ENTREP2: variants seen among roughly 807,000 people sequenced by gnomAD.
ENTREP2 encodes protein ENTREP2.
At chr15:29,476,964 A>G in the ENTREP2 span, among the ~76,000 whole-genome samples, 2 of 152,304 alleles carry the variant, frequency 1.3e-5, no homozygotes. Flanking sequence ...AAGGCCACGT[A>G]CGAGAATGTG....
the ENTREP2 span, chr15:29,269,487 G>A: frequency 1.9e-6 from 3 of 1,609,744 alleles, no homozygotes; most frequent in Non-Finnish European, 2.5e-6. Context: ...CGGCGGGGGC[G>A]GCCTGGGCCC....
the ENTREP2 span, among the ~76,000 whole-genome samples, chr15:29,205,808 C>T: frequency 6.6e-6 from 1 of 152,220 alleles, no homozygotes; most frequent in Non-Finnish European, 1.5e-5. Flanking sequence ...GTCAATTCAA[C>T]TTTTTGAATA....
At chr15:29,597,645 G>A in the ENTREP2 span, among the ~76,000 whole-genome samples, 6 of 151,230 alleles carry the variant, frequency 4.0e-5, no homozygotes, top group Admixed American at 3.3e-4. Context: ...ATATTCTATT[G>A]TGTGAATGTA....
chr15:29,441,206 T>A, the ENTREP2 span, among the ~76,000 whole-genome samples: 1 of 152,134 alleles, frequency 6.6e-6, no homozygotes, highest in Non-Finnish European at 1.5e-5. Flanking sequence ...AATAAGCCGA[T>A]CACAAAAGGA....
chr15:29,352,790 T>A, the ENTREP2 span, among the ~76,000 whole-genome samples: 2 of 152,224 alleles, frequency 1.3e-5, no homozygotes, highest in African/African-American at 4.8e-5. Flanking sequence ...CCTTTTTGCT[T>A]ATCAACTTCC....
At chr15:29,293,648 T>C in the ENTREP2 span, among the ~76,000 whole-genome samples, 1 of 152,186 alleles carries the variant, frequency 6.6e-6, no homozygotes, top group Non-Finnish European at 1.5e-5. Flanking sequence ...TGTGAGCTGC[T>C]GTGGGCATCG....
At chr15:29,626,931 T>G in the ENTREP2 span, among the ~76,000 whole-genome samples, 1 of 152,142 alleles carries the variant, frequency 6.6e-6, no homozygotes, top group Non-Finnish European at 1.5e-5. Flanking sequence ...TTGTTGCCAG[T>G]CTTGAGATAA....
At chr15:29,290,039 T>A in the ENTREP2 span, among the ~76,000 whole-genome samples, 1 of 152,162 alleles carries the variant, frequency 6.6e-6, no homozygotes, top group African/African-American at 2.4e-5. Flanking sequence ...TGGATCTCAT[T>A]CCTTCACTGC....
At chr15:29,245,837 T>C in the ENTREP2 span, among the ~76,000 whole-genome samples, 1 of 152,164 alleles carries the variant, frequency 6.6e-6, no homozygotes, top group African/African-American at 2.4e-5. Flanking sequence ...ACACACAAGT[T>C]TGGATCTGGG....
chr15:29,411,980 A>C, the ENTREP2 span, among the ~76,000 whole-genome samples: 2 of 152,234 alleles, frequency 1.3e-5, no homozygotes, highest in East Asian at 3.8e-4. Context: ...CTATAGCTTA[A>C]AAATGAGTCT....
At chr15:29,398,415 T>C in the ENTREP2 span, among the ~76,000 whole-genome samples, 4 of 152,084 alleles carry the variant, frequency 2.6e-5, no homozygotes, top group East Asian at 5.8e-4. Context: ...TTGATCTCCA[T>C]CCTCTCTTTT....
the ENTREP2 span, among the ~76,000 whole-genome samples, chr15:29,380,845 A>T: frequency 2.1e-5 from 3 of 142,402 alleles, no homozygotes; most frequent in African/African-American, 8.0e-5. Flanking sequence ...GCATGCATCC[A>T]CACTTTTTTT....
At chr15:29,153,479 G>T in the ENTREP2 span, among the ~76,000 whole-genome samples, 3 of 152,244 alleles carry the variant, frequency 2.0e-5, no homozygotes, top group East Asian at 5.8e-4. Flanking sequence ...GAGCTCTCTG[G>T]TGCCTCTTTT....
At chr15:29,520,907 A>G in the ENTREP2 span, among the ~76,000 whole-genome samples, 1 of 152,344 alleles carries the variant, frequency 6.6e-6, no homozygotes, top group African/African-American at 2.4e-5. Flanking sequence ...ACTGTAGAGA[A>G]AGATTAAAGA....
chr15:29,178,606 A>G, the ENTREP2 span, among the ~76,000 whole-genome samples: 4 of 152,146 alleles, frequency 2.6e-5, no homozygotes, highest in South Asian at 4.2e-4. Flanking sequence ...TATCCTGGTC[A>G]TCTTCCTTTG....
the ENTREP2 span, among the ~76,000 whole-genome samples, chr15:29,276,476 G>A: frequency 2.0e-5 from 3 of 152,176 alleles, no homozygotes; most frequent in Admixed American, 6.5e-5. Context: ...TGAGTGCACA[G>A]GATTCAGGCC....
At chr15:29,390,616 A>G in the ENTREP2 span, among the ~76,000 whole-genome samples, 3 of 152,338 alleles carry the variant, frequency 2.0e-5, no homozygotes, top group South Asian at 4.1e-4. Flanking sequence ...ATGACAAGGG[A>G]TAACAGGCTG....
the ENTREP2 span, among the ~76,000 whole-genome samples, chr15:29,626,911 ACTGT>A: frequency 6.6e-6 from 1 of 152,104 alleles, no homozygotes. Context: ...ATAAAAATAA[ACTGT>A]CTTTATTGTT....
chr15:29,147,053 A>G, the ENTREP2 span, among the ~76,000 whole-genome samples: 25 of 152,376 alleles, frequency 1.6e-4, no homozygotes, highest in East Asian at 1.3e-3. Flanking sequence ...AGAAAAAAGC[A>G]GAGAAACTGA....
Sources: gnomAD v4.1 joint callset for allele counts (sites outside exome capture counted in the v4.1 genomes callset) on GRCh38, gnomAD v4.1.1 for gene constraint, MANE v1.5 for transcripts, NCBI Gene and HGNC (gene_info 2026-07-23, HGNC 2026-07-21) for gene names.